LRRTM4: variants seen among roughly 807,000 people sequenced by gnomAD.
LRRTM4 encodes leucine-rich repeat transmembrane neuronal protein 4.
Under a neutral mutation model 47.6 loss-of-function variants are expected in LRRTM4, and 25 were observed. The ratio of observed to expected loss-of-function variants is 0.53; its 90% CI spans 0.38 to 0.73. LRRTM4 has a LOEUF of 0.73. LRRTM4 is among the 30% of genes least tolerant of loss of function. LRRTM4 has a pLI of 0.00. For missense variants in LRRTM4, 638 were observed against 713.4 expected, an observed-to-expected ratio of 0.89 and a Z score of 1.20; for synonymous variants, 311 against 269.5, an observed-to-expected ratio of 1.15 and a Z score of -1.51.
At chr2:77,179,877 A>G (rs957200457) in intron 3 of LRRTM4, among the ~76,000 whole-genome samples, 2 of 152,172 alleles carry the variant, frequency 1.3e-5, no homozygotes, top group East Asian at 3.9e-4. Context: ...AAACAAAAGT[A>G]AAAATTCACC....
intron 3 of LRRTM4, among the ~76,000 whole-genome samples, chr2:77,090,280 C>G (rs936253091): frequency 6.6e-6 from 1 of 152,096 alleles, no homozygotes; most frequent in Non-Finnish European, 1.5e-5. Flanking sequence ...AAATCAGAAG[C>G]GTTTAGGCTC....
At chr2:76,816,949 T>G (rs62172141) in intron 3 of LRRTM4, among the ~76,000 whole-genome samples, 69,871 of 149,128 alleles carry the variant, frequency 0.47, 17,434 homozygotes, top group East Asian at 0.73. Context: ...ACATGCAGAG[T>G]ATTGCAGTCT....
intron 3 of LRRTM4, among the ~76,000 whole-genome samples, chr2:77,014,989 G>C (rs1341886247): frequency 6.6e-6 from 1 of 152,008 alleles, no homozygotes; most frequent in Non-Finnish European, 1.5e-5. Flanking sequence ...TACTTTTAAT[G>C]TTTTTGTGAA....
intron 3 of LRRTM4, among the ~76,000 whole-genome samples, chr2:77,510,092 G>A (rs1047642332): frequency 1.3e-5 from 2 of 152,052 alleles, no homozygotes; most frequent in African/African-American, 4.8e-5. Context: ...AGTCTTATTA[G>A]AAACAATTGA....
chr2:77,256,497 T>G (rs1026783640), intron 3 of LRRTM4, among the ~76,000 whole-genome samples: 4 of 152,212 alleles, frequency 2.6e-5, no homozygotes, highest in Admixed American at 2.6e-4. Context: ...GGGAGGTAAT[T>G]GAATCATGGG....
At chr2:76,999,928 A>C (rs953731490) in intron 3 of LRRTM4, among the ~76,000 whole-genome samples, 3 of 152,168 alleles carry the variant, frequency 2.0e-5, no homozygotes, top group African/African-American at 7.2e-5. Context: ...AAAAGTGCAC[A>C]AGGGCAGAGT....
chr2:77,075,643 C>A (rs1459725771), intron 3 of LRRTM4, among the ~76,000 whole-genome samples: 1 of 151,812 alleles, frequency 6.6e-6, no homozygotes, highest in Non-Finnish European at 1.5e-5. Flanking sequence ...GGGCCGGGCG[C>A]GGTGGCTCAC....
At chr2:77,502,877 A>G (rs971964097) in intron 3 of LRRTM4, among the ~76,000 whole-genome samples, 3 of 151,614 alleles carry the variant, frequency 2.0e-5, no homozygotes, top group Non-Finnish European at 4.4e-5. Context: ...GGTGAATAGT[A>G]ATCTAGGGCC....
At chr2:77,120,257 T>G (rs1263307060) in intron 3 of LRRTM4, among the ~76,000 whole-genome samples, 2 of 151,818 alleles carry the variant, frequency 1.3e-5, no homozygotes, top group African/African-American at 2.4e-5. Flanking sequence ...CATCTAGATA[T>G]TCAACCAACA....
intron 3 of LRRTM4, among the ~76,000 whole-genome samples, chr2:76,893,475 C>T (rs994591212): frequency 2.0e-5 from 3 of 151,560 alleles, no homozygotes; most frequent in Admixed American, 1.3e-4. Flanking sequence ...AACCAAATGG[C>T]TCTAAATACA....
intron 3 of LRRTM4, among the ~76,000 whole-genome samples, chr2:77,028,504 G>C (rs539214735): frequency 6.6e-6 from 1 of 152,020 alleles, no homozygotes; most frequent in Admixed American, 6.6e-5. Context: ...CTTGAAAACT[G>C]GATTATGTGG....
chr2:77,065,395 CA>C (rs1413559378), intron 3 of LRRTM4, among the ~76,000 whole-genome samples: 1 of 152,080 alleles, frequency 6.6e-6, no homozygotes, highest in African/African-American at 2.4e-5. Flanking sequence ...ATTTAAAGTG[CA>C]ATGTAAAATT....
intron 3 of LRRTM4, among the ~76,000 whole-genome samples, chr2:76,950,692 C>A (rs1480542241): frequency 6.6e-6 from 1 of 151,588 alleles, no homozygotes; most frequent in East Asian, 1.9e-4. Flanking sequence ...TAAATTAGGG[C>A]CCTATGAAAG....
chr2:77,201,829 G>C (rs1218935864), intron 3 of LRRTM4, among the ~76,000 whole-genome samples: 1 of 152,044 alleles, frequency 6.6e-6, no homozygotes, highest in Non-Finnish European at 1.5e-5. Context: ...AATTTGTAGA[G>C]TACTTATCAA....
intron 3 of LRRTM4, among the ~76,000 whole-genome samples, chr2:77,401,526 T>A (rs1475443733): frequency 6.6e-6 from 1 of 151,972 alleles, no homozygotes; most frequent in Non-Finnish European, 1.5e-5. Flanking sequence ...ATAGACTTTA[T>A]CTTGTTCACT....
intron 3 of LRRTM4, among the ~76,000 whole-genome samples, chr2:77,081,289 C>T (rs866605703): frequency 2.9e-4 from 38 of 131,012 alleles, no homozygotes; most frequent in African/African-American, 9.7e-4. Flanking sequence ...CACACACACA[C>T]ACATAAATTT....
chr2:77,038,093 T>C (rs1678897964), intron 3 of LRRTM4, among the ~76,000 whole-genome samples: 1 of 151,638 alleles, frequency 6.6e-6, no homozygotes, highest in African/African-American at 2.4e-5. Flanking sequence ...CTTCTTTTCT[T>C]CCTAAATATT....
At chr2:76,827,048 G>A (rs1671209460) in intron 3 of LRRTM4, among the ~76,000 whole-genome samples, 1 of 151,844 alleles carries the variant, frequency 6.6e-6, no homozygotes, top group Non-Finnish European at 1.5e-5. Flanking sequence ...GGACTTTTGA[G>A]TATTTCTCTC....
chr2:77,488,914 C>T (rs1678029226), intron 3 of LRRTM4, among the ~76,000 whole-genome samples: 1 of 151,218 alleles, frequency 6.6e-6, no homozygotes, highest in African/African-American at 2.4e-5. Context: ...TATACATGTG[C>T]CATGCAGCAC....
Sources: allele counts gnomAD v4.1 joint callset (sites outside exome capture counted in the v4.1 genomes callset), GRCh38; gene constraint gnomAD v4.1.1; transcripts MANE v1.5; gene names NCBI Gene and HGNC (gene_info 2026-07-23, HGNC 2026-07-21).